The following MCCC1 variants were observed in gnomAD, a reference collection of about 807,000 sequenced individuals.
The protein encoded by MCCC1 is methylcrotonoyl-CoA carboxylase subunit alpha, mitochondrial.
A neutral mutation model predicts 83.8 loss-of-function variants in MCCC1; 64 were observed. The observed-to-expected ratio is 0.76, with a 90% CI of 0.62 to 0.94. The LOEUF is 0.94. MCCC1 is among the 40% of genes least tolerant of loss of function. MCCC1 has a pLI of 0.00. For synonymous variants in MCCC1, 322 were observed against 315.4 expected, an observed-to-expected ratio of 1.02 and a Z score of -0.22; for missense variants, 807 against 904.7, an observed-to-expected ratio of 0.89 and a Z score of 1.39.
At chr3:183,061,111 T>C (rs1407928909) in intron 7 of MCCC1, among the ~76,000 whole-genome samples, 1 of 152,178 alleles carries the variant, frequency 6.6e-6, no homozygotes, top group African/African-American at 2.4e-5. Context: ...TTTCAACATG[T>C]AAATTTTGGA....
At chr3:183,052,809 C>CAAAAA (rs71185624) in intron 8 of MCCC1, among the ~76,000 whole-genome samples, 2 of 66,634 alleles carry the variant, frequency 3.0e-5, no homozygotes, top group Admixed American at 2.6e-4. Context: ...GACTTTGTCT[C>CAAAAA]AAAAAAAAAA....
intron 2 of MCCC1, among the ~76,000 whole-genome samples, chr3:183,093,853 T>C (rs1718540122): frequency 6.6e-6 from 1 of 152,056 alleles, no homozygotes; most frequent in South Asian, 2.1e-4. Flanking sequence ...GTTTCATAGT[T>C]GGGAATTCCA....
chr3:183,020,054 G>A, intron 17 of MCCC1, 76 bp downstream of exon 17: 1 of 1,101,058 alleles, frequency 9.1e-7, no homozygotes, highest in Non-Finnish European at 1.4e-6. Context: ...AAAGGGAAAA[G>A]GACATAAATG....
intron 9 of MCCC1, among the ~76,000 whole-genome samples, chr3:183,049,578 A>T (rs1020506800): frequency 1.3e-5 from 2 of 151,826 alleles, no homozygotes; most frequent in African/African-American, 4.8e-5. Flanking sequence ...TTCAAAAAAA[A>T]AAAAAAGAAA....
At chr3:183,098,499 C>CA (rs1207114111) in intron 1 of MCCC1, 2 of 152,238 alleles carry the variant, frequency 1.3e-5, no homozygotes, top group African/African-American at 4.8e-5. Flanking sequence ...CAAAGTCACA[C>CA]ACCTAGTGAG....
chr3:183,112,652 A>G (rs1306287871), intron 1 of MCCC1, among the ~76,000 whole-genome samples: 1 of 152,144 alleles, frequency 6.6e-6, no homozygotes, highest in East Asian at 1.9e-4. Context: ...TTCCTATCAG[A>G]TTTTTCTGAG....
intron 1 of MCCC1, among the ~76,000 whole-genome samples, chr3:183,107,131 G>T (rs552134122): frequency 2.0e-5 from 3 of 152,032 alleles, no homozygotes; most frequent in Admixed American, 6.6e-5. Context: ...GTGGCCAGGC[G>T]CAGTGGCTCA....
chr3:183,045,466 G>A lies in MCCC1; in HGVS notation c.1030C>T (p.His344Tyr). The A allele has an allele frequency of 6.2e-7, 1 of 1,614,098 alleles. No individual in the cohort carries two copies. Among genetic ancestry groups the A allele is most frequent in the Non-Finnish European group, 8.5e-7 (1 of 1,179,952 alleles). Residue 344 changes from histidine (H) to tyrosine (Y), a missense_variant, in exon 10 of 19, where the codon CAT becomes TAT. Coordinates refer to ENST00000265594, the MANE Select transcript of MCCC1 (RefSeq NM_020166.5). ...CCTGTGATCATCTCAGTAACAGGAT[G>A]TTCCACTTGCAGCCTTGTATTCATC... ...MEMNTRLQVE[H>Y]PVTEMITGTD...
rs536178009 is a variant in MCCC1 at position 183,030,907 on chromosome 3, C to T, written c.1681+3084G>A. Among the ~76,000 whole-genome samples, 7 of 152,318 alleles carry T rather than the reference C, an allele frequency of 4.6e-5. No homozygotes were observed. In the South Asian group the frequency reaches 6.2e-4, roughly 14 times the overall value. On this transcript the variant is annotated intron_variant, in intron 14 of 18. Transcript: ENST00000265594. ...TCAGAAAGTGCCTCCAGTTACACCA[C>T]GGCCATTTTCTTTGAATTTATAAAA...
rs1222397989 is a variant in MCCC1, at chr3:183,017,018, G to A, written c.2049+248C>T. On this transcript the variant is annotated intron_variant, in intron 18 of 18. Coordinates refer to ENST00000265594, the MANE Select transcript of MCCC1 (RefSeq NM_020166.5). ...ACAGTTAACATTCAGTTGGATTATC[G>A]CCTGATTCCAAGCTATTGATAATTT... 11 of 527,428 alleles carry A rather than the reference G, an allele frequency of 2.1e-5. No homozygotes were observed. In the East Asian group the frequency reaches 2.4e-4, roughly 12 times the overall value. 32.7% of individuals were successfully genotyped at this position (527,428 alleles called of 1,614,324 possible). A position where few individuals can be genotyped will look rare whatever the true frequency, so the allele number is the denominator to read the frequency against.
intron 9 of MCCC1, among the ~76,000 whole-genome samples, chr3:183,048,937 A>G (rs572391052): frequency 6.6e-6 from 1 of 152,254 alleles, no homozygotes; most frequent in Non-Finnish European, 1.5e-5. Context: ...GAAATCACTA[A>G]CAGAAGGATA....
chr3:183,062,715 G>C (rs1460638021), intron 7 of MCCC1, among the ~76,000 whole-genome samples: 9 of 152,214 alleles, frequency 5.9e-5, no homozygotes, highest in Admixed American at 3.9e-4. Context: ...GGGAAGTTCA[G>C]TGAAGATCTG....
chr3:183,079,747 C>G (rs112400747), intron 4 of MCCC1, among the ~76,000 whole-genome samples: 1,702 of 152,372 alleles, frequency 0.011, 36 homozygotes, highest in African/African-American at 0.039. Flanking sequence ...ACTGCCCTAG[C>G]AGAGGTTCTC....
rs1298398910 is a variant in MCCC1 at position 183,071,070 on chromosome 3, T to C, written c.690A>G (p.Ser230=). 6.2e-7 allele frequency: 1 copy of C among 1,614,230 alleles called. No homozygotes were observed. Among genetic ancestry groups the C allele is most frequent in the African/African-American group, 1.3e-5 (1 of 75,066 alleles). Reference sequence around the variant, plus strand: ...AAGACTTCTTAGCTTCTCTCCGTGCTGACTCTAACTGTTCTTGAAATTCTT... The same window carrying C: ...AAGACTTCTTAGCTTCTCTCCGTGCCGACTCTAACTGTTCTTGAAATTCTT... ...SEQEFQEQLE[S]ARREAKKSFN... The change falls in exon 7 of 19, where the codon TCA becomes TCG. Residue 230 remains serine, a synonymous_variant. Coordinates refer to ENST00000265594, the MANE Select transcript of MCCC1 (RefSeq NM_020166.5).
In MCCC1 at chr3:183,045,215, G is replaced by T. The variant is rs143037099; in HGVS notation, c.1083+198C>A. ...CTGCCTCAGCCTCCTGAGTACCGGGGACTACAGGCACCCGGCACCACGCCC... is the reference window on the plus strand; with the variant it reads ...CTGCCTCAGCCTCCTGAGTACCGGGTACTACAGGCACCCGGCACCACGCCC... On this transcript the variant is annotated intron_variant, in intron 10 of 18. Coordinates refer to ENST00000265594, the MANE Select transcript of MCCC1 (RefSeq NM_020166.5). 7.0e-4 allele frequency among the ~76,000 whole-genome samples: 107 copies of T among 152,022 alleles called. 1 individual carries two copies. In the East Asian group the frequency reaches 0.016, roughly 23 times the overall value.
chr3:183,104,204 G>A (rs1479721289), upstream of MCCC1, among the ~76,000 whole-genome samples: 5 of 152,212 alleles, frequency 3.3e-5, no homozygotes, highest in African/African-American at 1.2e-4. Flanking sequence ...ACAGTGCAGC[G>A]GTGGGCTGAA....
At chr3:183,057,017 C>T (rs1331871416) in intron 8 of MCCC1, among the ~76,000 whole-genome samples, 2 of 152,128 alleles carry the variant, frequency 1.3e-5, no homozygotes, top group South Asian at 2.1e-4. Context: ...TTAAAATGTG[C>T]GTTGAAACCT....
At chr3:183,113,571 A>T (rs898351169) in intron 1 of MCCC1, among the ~76,000 whole-genome samples, 1 of 151,520 alleles carries the variant, frequency 6.6e-6, no homozygotes, top group African/African-American at 2.4e-5. Context: ...TAATAATAAA[A>T]ATAAATAAAT....
chr3:183,089,055 A>G (rs917351818), intron 3 of MCCC1, among the ~76,000 whole-genome samples: 4 of 152,210 alleles, frequency 2.6e-5, no homozygotes, highest in Admixed American at 6.5e-5. Context: ...AAGGATATGC[A>G]TAGTTTAATA....
Sources: allele counts gnomAD v4.1 joint callset (sites outside exome capture counted in the v4.1 genomes callset), GRCh38; gene constraint gnomAD v4.1.1; transcripts MANE v1.5; gene names NCBI Gene and HGNC (gene_info 2026-07-23, HGNC 2026-07-21).